Variants in ARID1B observed in about 807,000 individuals in gnomAD.
The protein encoded by ARID1B is AT-rich interaction domain 1B.
A neutral mutation model predicts 212.3 loss-of-function variants in ARID1B; 30 were observed. The observed-to-expected ratio is 0.14, with a 90% confidence interval of 0.11 to 0.19. The LOEUF is 0.19. Among genes scored for constraint, ARID1B ranks in the 10% least tolerant of loss-of-function variants. The probability of loss-of-function intolerance (pLI) is 1.00; values close to 1 mark genes in which losing one functional copy is unlikely to be tolerated. For missense variants in ARID1B, 2,891 were observed against 3,204.0 expected (o/e 0.90, Z 2.36); for synonymous variants, 1,402 against 1,301.7 (o/e 1.08, Z -1.66).
intron 4 of ARID1B, among the ~76,000 whole-genome samples, chr6:157,033,404 T>C (rs937178786): frequency 1.3e-5 from 2 of 152,234 alleles, no homozygotes; most frequent in Admixed American, 6.5e-5. Context: ...AAAAATAAAT[T>C]GCAGCATAGT....
At chr6:157,109,329 A>G (rs1279056467) in intron 5 of ARID1B, among the ~76,000 whole-genome samples, 2 of 152,204 alleles carry the variant, frequency 1.3e-5, no homozygotes, top group Non-Finnish European at 2.9e-5. Flanking sequence ...ATGCCTGACT[A>G]TGAAGCAGTG....
chr6:157,051,340 A>G (rs921020957), intron 4 of ARID1B, among the ~76,000 whole-genome samples: 2 of 152,246 alleles, frequency 1.3e-5, no homozygotes, highest in Non-Finnish European at 2.9e-5. Flanking sequence ...AAAACAGCAG[A>G]TAGAAATGAG....
At chr6:157,135,480 G>C (rs139596236) in intron 7 of ARID1B, among the ~76,000 whole-genome samples, 83 of 152,306 alleles carry the variant, frequency 5.4e-4, no homozygotes, top group Non-Finnish European at 9.6e-4. Context: ...GTGCCTGAAA[G>C]TTGGGCACCC....
At chr6:156,992,292 C>T (rs1778317618) in intron 4 of ARID1B, among the ~76,000 whole-genome samples, 8 of 152,142 alleles carry the variant, frequency 5.3e-5, no homozygotes, top group Admixed American at 5.2e-4. Flanking sequence ...TATTGGGTAT[C>T]ATTGCAGTTC....
At chr6:156,813,456 G>A (rs960879928) in intron 1 of ARID1B, among the ~76,000 whole-genome samples, 2 of 151,884 alleles carry the variant, frequency 1.3e-5, no homozygotes, top group Non-Finnish European at 2.9e-5. Flanking sequence ...TGTAACCCTC[G>A]TTCTTATTTA....
chr6:156,800,330 C>T (rs1191445017), intron 1 of ARID1B, among the ~76,000 whole-genome samples: 1 of 152,170 alleles, frequency 6.6e-6, no homozygotes, highest in Middle Eastern at 3.2e-3. Context: ...TGGGTCACCC[C>T]TGTAATCCAA....
At chr6:157,169,200 C>T (rs1196120891) in intron 9 of ARID1B, 1 of 152,244 alleles carries the variant, frequency 6.6e-6, no homozygotes, top group African/African-American at 2.4e-5. Context: ...CCAGTGATAA[C>T]AGCAAAGCAT....
chr6:157,183,680 C>T (rs902521758), intron 12 of ARID1B, among the ~76,000 whole-genome samples: 5 of 152,264 alleles, frequency 3.3e-5, no homozygotes, highest in African/African-American at 1.2e-4. Context: ...CCTGCCCCGT[C>T]AGCAGGGCTG....
At chr6:157,136,718 C>T (rs943993822) in intron 7 of ARID1B, among the ~76,000 whole-genome samples, 2 of 149,150 alleles carry the variant, frequency 1.3e-5, no homozygotes, top group African/African-American at 2.5e-5. Context: ...AAAACTTAGC[C>T]GGGTGCGGTG....
At chr6:156,911,606 G>T (rs1789900656) in intron 3 of ARID1B, among the ~76,000 whole-genome samples, 1 of 152,156 alleles carries the variant, frequency 6.6e-6, no homozygotes, top group African/African-American at 2.4e-5. Flanking sequence ...AGTTCCCTAT[G>T]TATAAAATTT....
At chr6:156,880,363 A>C (rs943393578) in intron 2 of ARID1B, among the ~76,000 whole-genome samples, 1 of 152,230 alleles carries the variant, frequency 6.6e-6, no homozygotes, top group Non-Finnish European at 1.5e-5. Flanking sequence ...AAGATGATGT[A>C]GTGTTTAAAG....
At chr6:157,081,411 A>G (rs1339267291) in intron 4 of ARID1B, among the ~76,000 whole-genome samples, 2 of 152,260 alleles carry the variant, frequency 1.3e-5, no homozygotes, top group Non-Finnish European at 2.9e-5. Flanking sequence ...GTTTTAAGAT[A>G]GCTCTACATA....
chr6:157,139,513 G>A (rs1387651996), intron 7 of ARID1B, among the ~76,000 whole-genome samples: 3 of 152,160 alleles, frequency 2.0e-5, no homozygotes, highest in South Asian at 4.1e-4. Flanking sequence ...CGCCTGCAGG[G>A]GGTGCCTTTC....
chr6:156,952,385 G>A (rs1793653297), intron 4 of ARID1B, among the ~76,000 whole-genome samples: 1 of 152,182 alleles, frequency 6.6e-6, no homozygotes. Context: ...CTTTGAATAC[G>A]TTATAAAATT....
chr6:156,957,332 A>C (rs1013746909), intron 4 of ARID1B, among the ~76,000 whole-genome samples: 2 of 152,174 alleles, frequency 1.3e-5, no homozygotes, highest in African/African-American at 4.8e-5. Flanking sequence ...TACCTTGAAG[A>C]TCTCTTGTGG....
chr6:156,990,956 G>C (rs1778242679), intron 4 of ARID1B, among the ~76,000 whole-genome samples: 1 of 152,194 alleles, frequency 6.6e-6, no homozygotes, highest in Admixed American at 6.5e-5. Flanking sequence ...AACTAACATT[G>C]ATTGAGGGTT....
intron 4 of ARID1B, among the ~76,000 whole-genome samples, chr6:157,045,700 A>C (rs1356476047): frequency 2.6e-5 from 4 of 152,234 alleles, no homozygotes; most frequent in African/African-American, 7.2e-5. Context: ...TAATCTTATG[A>C]ACTCATATTA....
intron 8 of ARID1B, among the ~76,000 whole-genome samples, chr6:157,154,678 A>G (rs1790457459): frequency 6.9e-6 from 1 of 145,156 alleles, no homozygotes; most frequent in South Asian, 2.1e-4. Context: ...CTCCTGGTTC[A>G]AGTGATTCTC....
chr6:157,148,649 T>C lies in ARID1B; in HGVS notation c.2787T>C (p.Tyr929=). ...GTAACTACTCCAGACCCCCAGCGTATAGTGGGGTGCCCAGTGCAAGCTACA... is the reference window on the plus strand; with the variant it reads ...GTAACTACTCCAGACCCCCAGCGTACAGTGGGGTGCCCAGTGCAAGCTACA... ...PQGNYSRPPA[Y]SGVPSASYSG... Residue 929 remains tyrosine (Y), a synonymous_variant, in exon 8 of 20, where the codon TAT becomes TAC. Transcript: ENST00000636930. The surrounding 1 kb of genome is among the most constrained non-coding windows in gnomAD (Gnocchi z 5.6). 6.3e-7 allele frequency: 1 copy of C among 1,599,534 alleles called. No homozygotes were observed. The highest frequency in any genetic ancestry group is 1.3e-5 in the African/African-American group (1 of 74,808).
Sources: allele counts gnomAD v4.1 joint callset (sites outside exome capture counted in the v4.1 genomes callset), GRCh38; gene constraint gnomAD v4.1.1; non-coding constraint Gnocchi (gnomAD v3.1); transcripts MANE v1.5; gene names NCBI Gene and HGNC (gene_info 2026-07-23, HGNC 2026-07-21).